BRCA1: variants seen among roughly 807,000 people sequenced by gnomAD.
BRCA1 encodes the protein breast cancer type 1 susceptibility protein.
In BRCA1, 140 loss-of-function variants were observed where a neutral mutation model predicts 173.7. That is an observed-to-expected ratio of 0.81 (90% CI 0.70 to 0.93). The LOEUF (loss-of-function observed/expected upper bound fraction) is 0.93. Among genes scored for constraint, BRCA1 ranks in the 40% least tolerant of loss-of-function variants. BRCA1 has a pLI of 0.00. For missense variants in BRCA1, 1,983 were observed against 2,172.5 expected, an observed-to-expected ratio of 0.91 and a Z score of 1.73; for synonymous variants, 662 against 756.0, an observed-to-expected ratio of 0.88 and a Z score of 2.04.
chr17:43,100,673 TATATAATATA>T (rs2054410877), intron 6 of BRCA1, among the ~76,000 whole-genome samples: 6 of 16,338 alleles, frequency 3.7e-4, no homozygotes, highest in African/African-American at 2.3e-3. Flanking sequence ...TATATATATA[TATATAATATA>T]TATATATATA....
chr17:43,044,882 C>G lies in BRCA1; in HGVS notation c.*796G>C. ...GCCGTGGTATGATCTTGGCTCACTG[C>G]AACCTCCACCTCCCGGGCTGAAGTG... On this transcript the variant is annotated 3_prime_UTR_variant, in exon 23 of 23. Coordinates refer to ENST00000357654, the MANE Select transcript of BRCA1 (RefSeq NM_007294.4). 2.1e-6 allele frequency: 1 copy of G among 473,492 alleles called. No homozygotes were observed. Among genetic ancestry groups the G allele is most frequent in the Admixed American group, 2.5e-5 (1 of 40,752 alleles). 29.3% of individuals were successfully genotyped at this position (473,492 alleles called of 1,614,324 possible). A position where few individuals can be genotyped will look rare whatever the true frequency, so the allele number is the denominator to read the frequency against.
chr17:43,067,729 T>C, intron 15 of BRCA1, 34 bp from the exon 16 acceptor site: 1 of 1,529,428 alleles, frequency 6.5e-7, no homozygotes, highest in Non-Finnish European at 9.1e-7. Flanking sequence ...TTATCATGAG[T>C]TACCTCTAGC....
At chr17:43,121,261 G>A (rs1196562077) in intron 2 of BRCA1, among the ~76,000 whole-genome samples, 1 of 151,514 alleles carries the variant, frequency 6.6e-6, no homozygotes, top group Non-Finnish European at 1.5e-5. Context: ...TGTAGTCCCA[G>A]CTACTCGGGA....
chr17:43,092,753 AGT>A lies in BRCA1; in HGVS notation c.2776_2777del (p.Thr926CysfsTer11), dbSNP rs886040070. 6.2e-7 allele frequency: 1 copy of A among 1,614,120 alleles called. No homozygotes were observed. Among genetic ancestry groups the A allele is most frequent in the Non-Finnish European group, 8.5e-7 (1 of 1,180,000 alleles). On this transcript the variant is annotated frameshift_variant, in exon 10 of 23. Coordinates refer to ENST00000357654, the MANE Select transcript of BRCA1 (RefSeq NM_007294.4). LOFTEE classifies it high-confidence loss of function. ...NIKPVQTVNI[T>X]AGFPVVGQKD... is the part of the protein sequence containing the mutation. Reference sequence around the variant, plus strand: ...TCTGACCAACCACAGGAAAGCCTGCAGTGATATTAACTGTCTGTACAGGCTTG... The same window carrying A: ...TCTGACCAACCACAGGAAAGCCTGCAGATATTAACTGTCTGTACAGGCTTG...
chr17:43,144,957 T>C, intron 1 of BRCA1: 2 of 608,954 alleles, frequency 3.3e-6, no homozygotes, highest in Admixed American at 4.3e-5. Context: ...GCTGCCAGGA[T>C]GCCCAAGAAA....
At chr17:43,161,354 CAG>C (rs1434633824) in intron 1 of BRCA1, 1 of 152,194 alleles carries the variant, frequency 6.6e-6, no homozygotes, top group Admixed American at 6.5e-5. Flanking sequence ...ATGATTCTCT[CAG>C]GGGGCCATTT....
At chr17:43,080,092 A>G (rs956268707) in intron 12 of BRCA1, among the ~76,000 whole-genome samples, 1 of 152,192 alleles carries the variant, frequency 6.6e-6, no homozygotes, top group African/African-American at 2.4e-5. Context: ...CCAGAGTCCA[A>G]GTTTCAGAAT....
intron 3 of BRCA1, 76 bp downstream of exon 3, chr17:43,115,650 A>G: frequency 7.2e-7 from 1 of 1,385,578 alleles, no homozygotes; most frequent in Non-Finnish European, 1.0e-6. Flanking sequence ...AGCTTCTATA[A>G]AGTTAGGTGT....
At chr17:43,143,090 T>G (rs1245906599) in intron 1 of BRCA1, among the ~76,000 whole-genome samples, 128 of 149,560 alleles carry the variant, frequency 8.6e-4, no homozygotes, top group African/African-American at 2.9e-3. Context: ...GTGTGTATAT[T>G]TATTTATTTA....
intron 3 of BRCA1, among the ~76,000 whole-genome samples, chr17:43,107,282 C>G (rs938577839): frequency 4.4e-4 from 66 of 151,716 alleles, no homozygotes; most frequent in Admixed American, 1.1e-3. Flanking sequence ...CCAGGATGGT[C>G]TCCATCTCCT....
chr17:43,145,827 T>C (rs1343416804), intron 1 of BRCA1, among the ~76,000 whole-genome samples: 5 of 152,164 alleles, frequency 3.3e-5, no homozygotes, highest in Non-Finnish European at 5.9e-5. Context: ...TGGGAGACTT[T>C]GACAGTCTCG....
At chr17:43,143,030 G>GTGTGTATATATATGTATATA (rs1567830774) in intron 1 of BRCA1, among the ~76,000 whole-genome samples, 1 of 149,332 alleles carries the variant, frequency 6.7e-6, no homozygotes, top group Non-Finnish European at 1.5e-5. Context: ...ATGTATATAT[G>GTGTGTATATATATGTATATA]TGTGTATATA....
Position 43,045,691 on chromosome 17 carries a change from T to TG in BRCA1, c.5578dup (p.His1860ProfsTer20), listed in dbSNP as rs397507254. ...GGCTGGCTGCAGTCAGTAGTGGCTG[T>TG]GGGGGATCTGGGGTATCAGGTAGGT... On this transcript the variant is annotated frameshift_variant, in exon 23 of 23. Coordinates refer to ENST00000357654, the MANE Select transcript of BRCA1 (RefSeq NM_007294.4). LOFTEE classifies it high-confidence loss of function. The TG allele has an allele frequency of 3.1e-6, 5 of 1,612,720 alleles. No homozygotes were observed. Among genetic ancestry groups the TG allele is most frequent in the Non-Finnish European group, 8.5e-7 (1 of 1,179,518 alleles).
chr17:43,143,269 G>T (rs1370130543), intron 1 of BRCA1, among the ~76,000 whole-genome samples: 1 of 151,826 alleles, frequency 6.6e-6, no homozygotes, highest in Admixed American at 6.6e-5. Flanking sequence ...TCAAATATTT[G>T]TTGGCCCACT....
In BRCA1 at chr17:43,155,534, C is replaced by CT. The variant is rs1041261245; in HGVS notation, c.-20+14591dup. Among the ~76,000 whole-genome samples, 49 of 151,794 alleles carry CT rather than the reference C, an allele frequency of 3.2e-4. 1 individual carries two copies. The highest frequency in any genetic ancestry group is 1.2e-3 in the African/African-American group (48 of 41,370). On this transcript the variant is annotated intron_variant, in intron 1 of 7. Coordinates refer to the BRCA1 transcript ENST00000634433. ...GTGTGAGCTACTATGTCCAGTGAAA[C>CT]TTTTTTTGGGGGGAGATGGAGTCTC... is the stretch of plus-strand genomic sequence containing the variant.
Position 43,159,124 on chromosome 17 carries a change from A to G in BRCA1, c.-20+11002T>C, listed in dbSNP as rs2056216859. 2.6e-5 allele frequency among the ~76,000 whole-genome samples: 4 copies of G among 152,094 alleles called. No homozygotes were observed. The South Asian group carries it at 8.3e-4, about 32-fold the overall frequency. On this transcript the variant is annotated intron_variant, in intron 1 of 7. Transcript: ENST00000634433. The stretch of plus-strand genomic sequence containing the variant: ...AAATTAGCTGGGCATGGTGATGCAC[A>G]CCTGTAGTCCCTGCTACTCTGGAGG...
intron 14 of BRCA1, among the ~76,000 whole-genome samples, chr17:43,073,987 C>A (rs891210568): frequency 6.6e-6 from 1 of 152,128 alleles, no homozygotes; most frequent in Non-Finnish European, 1.5e-5. Flanking sequence ...GAACTCCTGA[C>A]CTCAGCTGAT....
Position 43,045,605 on chromosome 17 carries a change from C to T in BRCA1, c.*73G>A, listed in dbSNP as rs2152453421. The T allele has an allele frequency of 6.3e-7, 1 of 1,594,808 alleles. No individual in the cohort carries two copies. The highest frequency in any genetic ancestry group is 8.6e-7 in the Non-Finnish European group (1 of 1,164,562). On this transcript the variant is annotated 3_prime_UTR_variant, in exon 23 of 23. Transcript: ENST00000357654. ...AAGGACTGAAGAGTGAGAGGAGCTCCCAGGGCCTGGAAAGGCCACTTTGTA... is the reference window on the plus strand; with the variant it reads ...AAGGACTGAAGAGTGAGAGGAGCTCTCAGGGCCTGGAAAGGCCACTTTGTA...
At chr17:43,065,435 G>A (rs554696342) in intron 16 of BRCA1, among the ~76,000 whole-genome samples, 64 of 152,230 alleles carry the variant, frequency 4.2e-4, no homozygotes, top group Non-Finnish European at 8.1e-4. Context: ...TTGGGAGGCC[G>A]AGGTAGGTGG....
Sources: gnomAD v4.1 joint callset for allele counts (sites outside exome capture counted in the v4.1 genomes callset) on GRCh38, gnomAD v4.1.1 for gene constraint, MANE v1.5 for transcripts, NCBI Gene and HGNC (gene_info 2026-07-23, HGNC 2026-07-21) for gene names.